DSCAM: variants seen among roughly 807,000 people sequenced by gnomAD.
DSCAM encodes the protein DS cell adhesion molecule.
DSCAM carries 47 observed loss-of-function variants against 217.7 expected under a neutral mutation model. The observed-to-expected ratio is 0.22, with a 90% CI of 0.17 to 0.28. The LOEUF is 0.28. Among genes scored for constraint, DSCAM ranks in the 10% least tolerant of loss-of-function variants. DSCAM has a pLI of 1.00. For synonymous variants in DSCAM, 1,056 were observed against 1,015.3 expected (o/e 1.04, Z -0.76); for missense variants, 2,080 against 2,618.3 (o/e 0.79, Z 4.49).
At chr21:40,529,242 G>A (rs1463674090) in intron 3 of DSCAM, among the ~76,000 whole-genome samples, 2 of 151,978 alleles carry the variant, frequency 1.3e-5, no homozygotes, top group East Asian at 1.9e-4. Context: ...GCATTCCATG[G>A]CACTCCCCTC....
At chr21:40,798,809 G>A (rs1032669312) in intron 1 of DSCAM, among the ~76,000 whole-genome samples, 4 of 151,948 alleles carry the variant, frequency 2.6e-5, no homozygotes, top group Non-Finnish European at 4.4e-5. Flanking sequence ...TGTTTCAAGT[G>A]TTTTACAAAC....
At chr21:40,084,501 AACACACACACACACACACAC>A (rs145863686) in intron 23 of DSCAM, among the ~76,000 whole-genome samples, 1,987 of 137,782 alleles carry the variant, frequency 0.014, 36 homozygotes, top group African/African-American at 0.04. Flanking sequence ...TCCAAGATGC[AACACACACACACACACACAC>A]ACACACACAC....
At chr21:40,512,996 T>C (rs1462365717) in intron 3 of DSCAM, 1 of 152,282 alleles carries the variant, frequency 6.6e-6, no homozygotes, top group African/African-American at 2.4e-5. Flanking sequence ...GCCTCCCGTA[T>C]TCAAGCGATT....
At chr21:40,618,951 G>T (rs1195883522) in intron 3 of DSCAM, 2 of 152,192 alleles carry the variant, frequency 1.3e-5, no homozygotes, top group African/African-American at 4.8e-5. Flanking sequence ...GCAGCTCCTG[G>T]CATGACAGGC....
At chr21:40,181,052 TG>T (rs1010009133) in intron 14 of DSCAM, among the ~76,000 whole-genome samples, 5 of 152,108 alleles carry the variant, frequency 3.3e-5, no homozygotes, top group African/African-American at 1.2e-4. Flanking sequence ...TCCAATGGGC[TG>T]GGGGACCCGT....
Position 40,338,268 on chromosome 21 carries a change from T to C in DSCAM, c.1616A>G (p.Lys539Arg). ...GTTGAAAGGAAGCAGGTTAGAGTTC[T>C]TGTACCATTTAATGGAGTAATACGG... ...GYPYYSIKWY[K>R]NSNLLPFNHR... Residue 539 changes from lysine (K) to arginine (R), a missense_variant, in exon 8 of 33, where the codon AAG (lysine) becomes AGG (arginine). Lys to Arg is a conservative substitution (Grantham distance 26). Around this residue, in one of 5 missense-constraint regions of DSCAM, gnomAD observed 218 missense variants for 364.1 expected, o/e 0.60. Coordinates refer to ENST00000400454, the MANE Select transcript of DSCAM (RefSeq NM_001389.5). 6.2e-7 allele frequency: 1 copy of C among 1,614,264 alleles called. No individual in the cohort carries two copies. Among genetic ancestry groups the C allele is most frequent in the South Asian group, 1.1e-5 (1 of 91,090 alleles).
Position 40,662,736 on chromosome 21 carries a change from T to C in DSCAM, c.508+30074A>G, listed in dbSNP as rs2090151910. Among the ~76,000 whole-genome samples, 5 of 152,208 alleles carry C rather than the reference T, an allele frequency of 3.3e-5. No homozygotes were observed. The South Asian group carries it at 1.0e-3, about 32-fold the overall frequency. On this transcript the variant is annotated intron_variant, in intron 3 of 32. Transcript: ENST00000400454. Reference sequence around the variant, plus strand: ...ACCACTCACTTCCTTCCCTGCTCCCTGCCAGGCAAAGAAAGAAGGAGAAGT... The same window carrying C: ...ACCACTCACTTCCTTCCCTGCTCCCCGCCAGGCAAAGAAAGAAGGAGAAGT...
intron 8 of DSCAM, among the ~76,000 whole-genome samples, chr21:40,319,933 A>G (rs111628774): frequency 0.038 from 5,739 of 152,292 alleles, 266 homozygotes; most frequent in East Asian, 0.24. Context: ...ATTATCTTCC[A>G]CAAACTAATG....
At chr21:40,157,045 G>A (rs934269621) in intron 16 of DSCAM, among the ~76,000 whole-genome samples, 1 of 152,012 alleles carries the variant, frequency 6.6e-6, no homozygotes, top group Non-Finnish European at 1.5e-5. Context: ...TTTTTATGTG[G>A]CTCTTAGCTA....
At chr21:40,512,261 T>C (rs530307413) in intron 3 of DSCAM, among the ~76,000 whole-genome samples, 2 of 152,234 alleles carry the variant, frequency 1.3e-5, no homozygotes, top group South Asian at 4.1e-4. Context: ...CTGAGTCTAT[T>C]TTCTTTCATA....
chr21:40,112,862 C>T (rs965190767), intron 20 of DSCAM, among the ~76,000 whole-genome samples: 7 of 152,054 alleles, frequency 4.6e-5, no homozygotes, highest in Non-Finnish European at 7.4e-5. Flanking sequence ...CAAGACTAAA[C>T]CAGAAAGAAG....
rs373846129 is a variant in DSCAM at position 40,180,383 on chromosome 21, A to G, written c.2780-1289T>C. Among the ~76,000 whole-genome samples, 191 of 152,366 alleles carry G rather than the reference A, an allele frequency of 1.3e-3. 1 individual carries two copies. The highest frequency in any genetic ancestry group is 4.4e-3 in the African/African-American group (182 of 41,588). ...AGAGAATGAAGCCTAATAGAATCTGACAATGAATATTGCAGTTAGAAGGAA... is the reference window on the plus strand; with the variant it reads ...AGAGAATGAAGCCTAATAGAATCTGGCAATGAATATTGCAGTTAGAAGGAA... On this transcript the variant is annotated intron_variant, in intron 14 of 32. Transcript: ENST00000400454.
intron 27 of DSCAM, among the ~76,000 whole-genome samples, chr21:40,072,127 C>T (rs1257718484): frequency 6.6e-6 from 1 of 152,178 alleles, no homozygotes; most frequent in Admixed American, 6.5e-5. Flanking sequence ...AATCTCTTCT[C>T]TCTCTAGGAC....
chr21:40,403,746 C>G (rs1488079242), intron 3 of DSCAM, among the ~76,000 whole-genome samples: 1 of 151,802 alleles, frequency 6.6e-6, no homozygotes, highest in Non-Finnish European at 1.5e-5. Context: ...GATAGTTGAG[C>G]CTAAAATGTG....
intron 3 of DSCAM, among the ~76,000 whole-genome samples, chr21:40,556,122 T>A (rs1051736528): frequency 6.6e-6 from 1 of 152,248 alleles, no homozygotes; most frequent in African/African-American, 2.4e-5. Flanking sequence ...CAAATCACTA[T>A]ATAGAATAAT....
chr21:40,136,699 T>TC (rs774279279), intron 18 of DSCAM, among the ~76,000 whole-genome samples: 2 of 152,104 alleles, frequency 1.3e-5, no homozygotes, highest in African/African-American at 4.8e-5. Context: ...GGTCTTTTTT[T>TC]CCCAAGAGTG....
At chr21:40,724,131 T>C (rs1161849148) in intron 1 of DSCAM, among the ~76,000 whole-genome samples, 2 of 152,186 alleles carry the variant, frequency 1.3e-5, no homozygotes, top group East Asian at 3.9e-4. Context: ...GAGAGGAATA[T>C]AGAATCTGTA....
intron 1 of DSCAM, among the ~76,000 whole-genome samples, chr21:40,755,176 G>A (rs34735819): frequency 0.041 from 6,212 of 152,232 alleles, 188 homozygotes; most frequent in Non-Finnish European, 0.061. Context: ...GTCCAGTTAC[G>A]GTGGCTCATG....
At chr21:40,402,223 C>T (rs532806934) in intron 3 of DSCAM, among the ~76,000 whole-genome samples, 76 of 151,106 alleles carry the variant, frequency 5.0e-4, no homozygotes, top group Non-Finnish European at 8.4e-4. Context: ...CCCGCCACCA[C>T]GCCCGGCTAA....
Sources: allele counts gnomAD v4.1 joint callset (sites outside exome capture counted in the v4.1 genomes callset), GRCh38; gene constraint gnomAD v4.1.1; regional missense constraint gnomAD v4.1.1; transcripts MANE v1.5; gene names NCBI Gene and HGNC (gene_info 2026-07-23, HGNC 2026-07-21).